Variants in ARL15 observed in about 807,000 individuals in gnomAD.
ARL15 encodes the protein ADP-ribosylation factor-like protein 15.
Under a neutral mutation model 25.2 loss-of-function variants are expected in ARL15, and 19 were observed. The ratio of observed to expected loss-of-function variants is 0.75; its 90% confidence interval spans 0.53 to 1.10. The LOEUF is 1.10. ARL15 is among the 50% of genes least tolerant of loss of function. The pLI is 0.00. For synonymous variants in ARL15, 94 were observed against 86.8 expected (o/e 1.08, Z -0.46); for missense variants, 220 against 246.0 (o/e 0.89, Z 0.71).
At chr5:54,199,191 AC>A (rs1394250299) in intron 1 of ARL15, among the ~76,000 whole-genome samples, 1 of 152,154 alleles carries the variant, frequency 6.6e-6, no homozygotes, top group African/African-American at 2.4e-5. Flanking sequence ...AACCATAAAA[AC>A]CCTAGAAGAA....
chr5:54,310,229 T>G, intron 1 of ARL15: 1 of 574,654 alleles, frequency 1.7e-6, no homozygotes, highest in Middle Eastern at 4.4e-4. Context: ...GGCCGCACCT[T>G]TACCTGTCAG....
At chr5:54,200,621 A>G (rs1423117423) in intron 1 of ARL15, among the ~76,000 whole-genome samples, 1 of 152,168 alleles carries the variant, frequency 6.6e-6, no homozygotes, top group Non-Finnish European at 1.5e-5. Context: ...ATAATCATAA[A>G]CCAACACCCT....
chr5:54,119,907 T>C (rs552545685), intron 3 of ARL15, among the ~76,000 whole-genome samples: 12 of 152,280 alleles, frequency 7.9e-5, no homozygotes, highest in African/African-American at 2.9e-4. Context: ...AAAAATCTTC[T>C]GGTCTGTTTC....
At chr5:54,092,305 A>C (rs573724497) in intron 4 of ARL15, among the ~76,000 whole-genome samples, 7 of 152,260 alleles carry the variant, frequency 4.6e-5, no homozygotes, top group South Asian at 4.1e-4. Context: ...TCTAAAGAGT[A>C]CATTTTATTT....
At chr5:53,919,072 G>C (rs961094589) in intron 4 of ARL15, among the ~76,000 whole-genome samples, 3 of 152,144 alleles carry the variant, frequency 2.0e-5, no homozygotes, top group African/African-American at 7.2e-5. Context: ...CAACTGTACA[G>C]GACATAATAC....
At chr5:53,964,088 T>C (rs1747463880) in intron 4 of ARL15, among the ~76,000 whole-genome samples, 1 of 152,092 alleles carries the variant, frequency 6.6e-6, no homozygotes, top group Non-Finnish European at 1.5e-5. Flanking sequence ...TACTGAAGCC[T>C]TTTTCCCCAA....
chr5:54,289,250 G>A (rs1454853813), intron 1 of ARL15, among the ~76,000 whole-genome samples: 1 of 152,012 alleles, frequency 6.6e-6, no homozygotes, highest in Non-Finnish European at 1.5e-5. Flanking sequence ...GTCCCATGCT[G>A]GGGACGGAAC....
chr5:53,952,843 G>A (rs1397445730), intron 4 of ARL15, among the ~76,000 whole-genome samples: 1 of 152,176 alleles, frequency 6.6e-6, no homozygotes, highest in Non-Finnish European at 1.5e-5. Flanking sequence ...CTCAAGGTGT[G>A]TTTAAGTATG....
At chr5:53,897,187 T>G (rs907330845) in intron 4 of ARL15, among the ~76,000 whole-genome samples, 4 of 152,240 alleles carry the variant, frequency 2.6e-5, no homozygotes, top group Non-Finnish European at 5.9e-5. Flanking sequence ...CACCATCTAA[T>G]TCCAGAACAT....
chr5:53,894,452 T>G (rs561390864), intron 4 of ARL15, among the ~76,000 whole-genome samples: 1 of 152,332 alleles, frequency 6.6e-6, no homozygotes, highest in African/African-American at 2.4e-5. Context: ...AACAGTCTTG[T>G]TTTTGCTTAA....
chr5:54,053,624 A>G (rs556120260), intron 4 of ARL15, among the ~76,000 whole-genome samples: 2 of 152,368 alleles, frequency 1.3e-5, no homozygotes, highest in South Asian at 4.1e-4. Flanking sequence ...TACCCTTGAT[A>G]TGATGTGATG....
At chr5:54,140,183 T>C (rs1044922397) in intron 3 of ARL15, among the ~76,000 whole-genome samples, 1 of 151,542 alleles carries the variant, frequency 6.6e-6, no homozygotes, top group Non-Finnish European at 1.5e-5. Context: ...TGGATTATAG[T>C]AGGTCTCTCT....
chr5:54,124,047 G>C (rs891200837), intron 3 of ARL15, among the ~76,000 whole-genome samples: 1 of 152,174 alleles, frequency 6.6e-6, no homozygotes, highest in Non-Finnish European at 1.5e-5. Context: ...GAGAGAGACA[G>C]TGTAATTTGA....
intron 4 of ARL15, among the ~76,000 whole-genome samples, chr5:53,951,076 A>T (rs788515): frequency 0.75 from 114,837 of 152,204 alleles, 43,390 homozygotes; most frequent in Middle Eastern, 0.88. Flanking sequence ...ATATTAGCAT[A>T]TTAAGAACAT....
chr5:54,291,994 T>G (rs1758348093), intron 1 of ARL15, among the ~76,000 whole-genome samples: 1 of 152,212 alleles, frequency 6.6e-6, no homozygotes, highest in African/African-American at 2.4e-5. Flanking sequence ...GTCTCATACT[T>G]GCTGAAGACA....
intron 1 of ARL15, among the ~76,000 whole-genome samples, chr5:54,199,738 A>G: frequency 6.7e-6 from 1 of 149,186 alleles, no homozygotes; most frequent in Non-Finnish European, 1.5e-5. Context: ...CAGTGTGGCG[A>G]TTCCTCAGGG....
chr5:54,111,558 G>T (rs761769946), intron 4 of ARL15, among the ~76,000 whole-genome samples: 2 of 151,988 alleles, frequency 1.3e-5, no homozygotes, highest in Admixed American at 6.5e-5. Context: ...AAGGAAAACA[G>T]ATACACAGGT....
intron 1 of ARL15, among the ~76,000 whole-genome samples, chr5:54,233,790 C>A (rs750511437): frequency 1.3e-5 from 2 of 152,248 alleles, no homozygotes; most frequent in Admixed American, 6.5e-5. Flanking sequence ...TTCATAGCTG[C>A]GTGGGGTTGA....
intron 4 of ARL15, among the ~76,000 whole-genome samples, chr5:54,019,787 G>T (rs1228917342): frequency 6.6e-6 from 1 of 152,174 alleles, no homozygotes; most frequent in Non-Finnish European, 1.5e-5. Context: ...TAATTGGGTT[G>T]TTATAAATTG....
Sources: gnomAD v4.1 joint callset for allele counts (sites outside exome capture counted in the v4.1 genomes callset) on GRCh38, gnomAD v4.1.1 for gene constraint, MANE v1.5 for transcripts, NCBI Gene and HGNC (gene_info 2026-07-23, HGNC 2026-07-21) for gene names.